NKD1: variants seen among roughly 807,000 people sequenced by gnomAD.
The protein encoded by NKD1 is NKD inhibitor of Wnt signaling pathway 1.
Under a neutral mutation model 56.0 loss-of-function variants are expected in NKD1, and 21 were observed. That is an observed-to-expected ratio of 0.38 (90% CI 0.27 to 0.54). The LOEUF is 0.54. NKD1 is among the 20% of genes least tolerant of loss of function. The pLI is 0.82. For synonymous variants in NKD1, 263 were observed against 265.7 expected, an observed-to-expected ratio of 0.99 and a Z score of 0.10; for missense variants, 578 against 642.7, an observed-to-expected ratio of 0.90 and a Z score of 1.09.
intron 3 of NKD1, among the ~76,000 whole-genome samples, chr16:50,599,566 C>T (rs76426439): frequency 0.01 from 1,529 of 152,294 alleles, 18 homozygotes; most frequent in African/African-American, 0.034. Context: ...ATGCCCCTAA[C>T]GTGCTTCATG....
intron 3 of NKD1, among the ~76,000 whole-genome samples, chr16:50,562,852 T>C (rs1358254636): frequency 9.2e-5 from 14 of 152,026 alleles, no homozygotes; most frequent in Non-Finnish European, 2.9e-5. Flanking sequence ...CATGACAAGC[T>C]CTCGCTCCAT....
At chr16:50,572,781 C>A in intron 3 of NKD1, 1 of 593,644 alleles carries the variant, frequency 1.7e-6, no homozygotes, top group Non-Finnish European at 2.1e-6. Context: ...GTCCCTGAGT[C>A]CGACAGAGAC....
intron 3 of NKD1, among the ~76,000 whole-genome samples, chr16:50,578,509 C>G (rs1383931442): frequency 2.0e-5 from 3 of 152,142 alleles, no homozygotes; most frequent in Non-Finnish European, 4.4e-5. Flanking sequence ...CTGGCCATGT[C>G]CAGCTCCATG....
rs1161523073 is a variant in NKD1, at chr16:50,644,947, AC to A, written c.*11172del. ...GCAGGCCAGTCTCTGTGGTGTGACC[AC>A]CCCCCAGTGGCAAGGAGCTGCCAAA... On this transcript the variant is annotated 3_prime_UTR_variant, in exon 10 of 10. Transcript: ENST00000268459. 6.6e-6 allele frequency: 1 copy of A among 152,032 alleles called. No homozygotes were observed. Among genetic ancestry groups the A allele is most frequent in the Non-Finnish European group, 1.5e-5 (1 of 67,976 alleles). 9.4% of individuals were successfully genotyped at this position (152,032 alleles called of 1,614,324 possible).
chr16:50,560,326 C>A lies in NKD1; in HGVS notation c.192+10771C>A, dbSNP rs568996167. Among the ~76,000 whole-genome samples the A allele has an allele frequency of 1.1e-4, 16 of 152,296 alleles. No individual in the cohort carries two copies. The East Asian group carries it at 3.1e-3, about 29-fold the overall frequency. ...GAGCTGCCCACTGTGTGCATAGCCC[C>A]GTGCTGAGTCTGGGAGCTGCAGCCC... is the stretch of plus-strand genomic sequence containing the variant. On this transcript the variant is annotated intron_variant, in intron 3 of 9. Transcript: ENST00000268459.
At chr16:50,560,166 A>G (rs1960591993) in intron 3 of NKD1, among the ~76,000 whole-genome samples, 1 of 152,206 alleles carries the variant, frequency 6.6e-6, no homozygotes, top group African/African-American at 2.4e-5. Context: ...TCCAGGAACA[A>G]AGTTGCCTTT....
intron 3 of NKD1, among the ~76,000 whole-genome samples, chr16:50,586,094 T>C (rs1055372925): frequency 2.6e-5 from 4 of 152,154 alleles, no homozygotes; most frequent in Admixed American, 6.5e-5. Flanking sequence ...AGCTGAAAGT[T>C]TGACCCCGGT....
At chr16:50,557,493 A>G (rs895768448) in intron 3 of NKD1, 11 of 152,352 alleles carry the variant, frequency 7.2e-5, no homozygotes, top group African/African-American at 1.4e-4. Context: ...ACTACCAAGT[A>G]TGATACTTTT....
chr16:50,580,833 C>A (rs1334306868), intron 3 of NKD1, among the ~76,000 whole-genome samples: 2 of 152,214 alleles, frequency 1.3e-5, no homozygotes, highest in East Asian at 3.8e-4. Context: ...AGAGCCCCTG[C>A]AGTGCCCACC....
intron 6 of NKD1, among the ~76,000 whole-genome samples, chr16:50,628,099 G>C (rs1248625217): frequency 6.6e-6 from 1 of 152,094 alleles, no homozygotes; most frequent in African/African-American, 2.4e-5. Flanking sequence ...CTGGAGCCTG[G>C]GTCTCAAACT....
In NKD1 at chr16:50,642,928, C is replaced by T. The variant is rs971647712; in HGVS notation, c.*9147C>T. 6.6e-6 allele frequency: 1 copy of T among 152,232 alleles called. No individual in the cohort carries two copies. The highest frequency in any genetic ancestry group is 1.5e-5 in the Non-Finnish European group (1 of 68,058). The allele number at this position is 152,232 out of a possible 1,614,324, so 9.4% of individuals were successfully genotyped here. On this transcript the variant is annotated 3_prime_UTR_variant, in exon 10 of 10. Coordinates refer to ENST00000268459, the MANE Select transcript of NKD1 (RefSeq NM_033119.5). ...ACTTGTGGTGTGAACTTGGACAAGC[C>T]CCTGCTGTCTCTGGCCTTCAGTACC...
chr16:50,579,402 A>C (rs28532910), intron 3 of NKD1, among the ~76,000 whole-genome samples: 8 of 146,444 alleles, frequency 5.5e-5, no homozygotes, highest in African/African-American at 2.0e-4. Context: ...CCACACATGC[A>C]CTGTCTTAGT....
At chr16:50,617,666 T>C (rs1961993096) in intron 4 of NKD1, among the ~76,000 whole-genome samples, 1 of 152,140 alleles carries the variant, frequency 6.6e-6, no homozygotes, top group African/African-American at 2.4e-5. Context: ...GAGAGGGAAC[T>C]CCACAAACCA....
chr16:50,594,810 C>T (rs768579441), intron 3 of NKD1, among the ~76,000 whole-genome samples: 15 of 151,278 alleles, frequency 9.9e-5, no homozygotes, highest in Non-Finnish European at 1.8e-4. Context: ...GAGGGGGGCA[C>T]ACAGACCCGG....
At chr16:50,627,584 C>T (rs1200748307) in intron 6 of NKD1, among the ~76,000 whole-genome samples, 1 of 152,186 alleles carries the variant, frequency 6.6e-6, no homozygotes, top group Non-Finnish European at 1.5e-5. Flanking sequence ...AAATACAGTT[C>T]CCTTCCACGC....
chr16:50,590,558 G>A (rs573324188), intron 3 of NKD1, among the ~76,000 whole-genome samples: 12 of 152,292 alleles, frequency 7.9e-5, no homozygotes, highest in African/African-American at 2.6e-4. Flanking sequence ...TTTTCCAAGC[G>A]CTTTACAAAT....
chr16:50,601,098 A>C (rs1179186756), intron 3 of NKD1, among the ~76,000 whole-genome samples: 1 of 152,246 alleles, frequency 6.6e-6, no homozygotes, highest in Non-Finnish European at 1.5e-5. Context: ...CTGTGTGTGC[A>C]GCCCCAGGAG....
At chr16:50,615,967 C>T (rs566952538) in intron 4 of NKD1, 425 of 438,380 alleles carry the variant, frequency 9.7e-4, no homozygotes, top group Non-Finnish European at 1.3e-3. Flanking sequence ...ATATCTTTCT[C>T]TTTTTACTGG....
chr16:50,635,865 A>G lies in NKD1; in HGVS notation c.*2084A>G, dbSNP rs1567357162. ...AACGCAACTCAATCCAAAGTGAATG[A>G]AACCAAGTTGGAAGGCAGGGAGGGA... On this transcript the variant is annotated 3_prime_UTR_variant, in exon 10 of 10. Transcript: ENST00000268459. The surrounding 1 kb of genome is among the most constrained non-coding windows in gnomAD (Gnocchi z 4.1). 6.6e-6 allele frequency: 1 copy of G among 152,268 alleles called. No individual in the cohort carries two copies. The highest frequency in any genetic ancestry group is 2.1e-4 in the South Asian group (1 of 4,832). The allele number at this position is 152,268 out of a possible 1,614,324, so 9.4% of individuals were successfully genotyped here.
Sources: gnomAD v4.1 joint callset for allele counts (sites outside exome capture counted in the v4.1 genomes callset) on GRCh38, gnomAD v4.1.1 for gene constraint, Gnocchi (gnomAD v3.1) non-coding constraint, MANE v1.5 for transcripts, NCBI Gene and HGNC (gene_info 2026-07-23, HGNC 2026-07-21) for gene names.